The following ATG10 variants were observed in gnomAD, a reference collection of about 807,000 sequenced individuals.
The protein encoded by ATG10 is ubiquitin-like-conjugating enzyme ATG10.
Under a neutral mutation model 32.1 loss-of-function variants are expected in ATG10, and 30 were observed. The ratio of observed to expected loss-of-function variants is 0.94; its 90% CI spans 0.70 to 1.27. The LOEUF is 1.27. ATG10 is among the 50% of genes most tolerant of loss of function. The pLI is 0.00. For missense variants in ATG10, 233 were observed against 262.3 expected, an observed-to-expected ratio of 0.89 and a Z score of 0.77; for synonymous variants, 87 against 91.5, an observed-to-expected ratio of 0.95 and a Z score of 0.28.
At chr5:82,141,817 TACAC>T (rs962266873) in intron 3 of ATG10, among the ~76,000 whole-genome samples, 4 of 150,704 alleles carry the variant, frequency 2.7e-5, no homozygotes, top group African/African-American at 9.8e-5. Context: ...CATACACACA[TACAC>T]ACACACACCC....
chr5:82,141,056 A>T (rs1384139389), intron 3 of ATG10, among the ~76,000 whole-genome samples: 2 of 121,858 alleles, frequency 1.6e-5, no homozygotes, highest in African/African-American at 6.2e-5. Context: ...ACCAATCCCT[A>T]ATCTCAAGTA....
chr5:82,156,087 G>T (rs937303030), intron 3 of ATG10, among the ~76,000 whole-genome samples: 8 of 151,924 alleles, frequency 5.3e-5, no homozygotes, highest in Admixed American at 2.0e-4. Flanking sequence ...ACTGGGAGTG[G>T]GGGGTGATAA....
intron 3 of ATG10, among the ~76,000 whole-genome samples, chr5:82,142,346 G>A (rs1767185470): frequency 6.6e-6 from 1 of 152,186 alleles, no homozygotes; most frequent in African/African-American, 2.4e-5. Flanking sequence ...TATTTGAAAG[G>A]TTTTCTAGTG....
intron 5 of ATG10, among the ~76,000 whole-genome samples, chr5:82,200,815 CA>C (rs1417812921): frequency 1.3e-5 from 2 of 151,058 alleles, no homozygotes; most frequent in Non-Finnish European, 3.0e-5. Flanking sequence ...CAGTTTTTCA[CA>C]GAGTGAGAGT....
At chr5:82,106,241 A>G (rs1265416211) in intron 3 of ATG10, among the ~76,000 whole-genome samples, 1 of 152,194 alleles carries the variant, frequency 6.6e-6, no homozygotes, top group East Asian at 1.9e-4. Context: ...GAAATGGTGT[A>G]TAAGATCAAA....
chr5:82,106,045 G>T (rs1765436670), intron 3 of ATG10, among the ~76,000 whole-genome samples: 1 of 151,844 alleles, frequency 6.6e-6, no homozygotes, highest in African/African-American at 2.4e-5. Flanking sequence ...TTCCTATTTG[G>T]CTTCTTCTGA....
rs567918851 is a variant in ATG10 at position 81,988,536 on chromosome 5, C to T, written c.108+858C>T. On this transcript the variant is annotated intron_variant, in intron 2 of 7. Coordinates refer to ENST00000282185, the MANE Select transcript of ATG10 (RefSeq NM_031482.5). ...GCAATCTCCACCTCCTGGGTTCAAG[C>T]GATTCTTGTGCCTCAGCCTCCCGAG... is the stretch of plus-strand genomic sequence containing the variant. 6.4e-4 allele frequency among the ~76,000 whole-genome samples: 96 copies of T among 150,952 alleles called. 1 individual carries two copies. In the South Asian group the frequency reaches 0.019, roughly 30 times the overall value.
At chr5:82,042,194 G>A (rs528997845) in intron 2 of ATG10, among the ~76,000 whole-genome samples, 2 of 152,140 alleles carry the variant, frequency 1.3e-5, no homozygotes, top group Non-Finnish European at 2.9e-5. Context: ...GAAACTGACA[G>A]TCATGGCAGA....
At chr5:82,233,351 T>C (rs954407549) in intron 5 of ATG10, among the ~76,000 whole-genome samples, 1 of 152,216 alleles carries the variant, frequency 6.6e-6, no homozygotes, top group Admixed American at 6.5e-5. Flanking sequence ...TTTCTTCCTT[T>C]AATAACCCAG....
chr5:82,118,417 T>TATATATATATATATATTTATATA, intron 3 of ATG10, among the ~76,000 whole-genome samples: 1 of 141,200 alleles, frequency 7.1e-6, no homozygotes, highest in Non-Finnish European at 1.5e-5. Flanking sequence ...TATGTATATA[T>TATATATATATATATATTTATATA]TCCCTAGCAC....
intron 2 of ATG10, among the ~76,000 whole-genome samples, chr5:82,053,419 A>G (rs2149743133): frequency 6.6e-6 from 1 of 151,968 alleles, no homozygotes; most frequent in South Asian, 2.1e-4. Flanking sequence ...ATGAGCTACA[A>G]ATGCTTTTTC....
intron 3 of ATG10, among the ~76,000 whole-genome samples, chr5:82,110,268 A>C (rs1015907123): frequency 3.3e-5 from 5 of 152,278 alleles, no homozygotes; most frequent in Non-Finnish European, 5.9e-5. Flanking sequence ...ATAGGTGTGC[A>C]TGTGTCTTTA....
chr5:82,219,829 A>G (rs1021536241), intron 5 of ATG10, among the ~76,000 whole-genome samples: 1 of 152,166 alleles, frequency 6.6e-6, no homozygotes, highest in African/African-American at 2.4e-5. Context: ...GAAGTGATTT[A>G]TTTTTTCCTC....
intron 1 of ATG10, among the ~76,000 whole-genome samples, chr5:81,980,730 G>A (rs532284626): frequency 6.6e-6 from 1 of 151,634 alleles, no homozygotes; most frequent in Admixed American, 6.6e-5. Context: ...GCTACCTGTC[G>A]CTCGCTGCAC....
intron 5 of ATG10, among the ~76,000 whole-genome samples, chr5:82,236,710 T>G (rs1746568950): frequency 1.3e-5 from 2 of 152,182 alleles, no homozygotes; most frequent in African/African-American, 4.8e-5. Context: ...TTTTGTTTGT[T>G]TGTTGTTGTT....
At chr5:82,128,634 G>GT (rs1472428071) in intron 3 of ATG10, among the ~76,000 whole-genome samples, 2 of 148,956 alleles carry the variant, frequency 1.3e-5, no homozygotes, top group Non-Finnish European at 3.0e-5. Context: ...CTTCTGGCTT[G>GT]TAGGGTTTCT....
chr5:82,071,866 C>T (rs1764142919), intron 3 of ATG10, among the ~76,000 whole-genome samples: 1 of 152,124 alleles, frequency 6.6e-6, no homozygotes, highest in African/African-American at 2.4e-5. Flanking sequence ...ATCTGGGATT[C>T]CTGTTCAAGT....
At chr5:82,009,935 A>G in intron 2 of ATG10, 1 of 1,611,730 alleles carries the variant, frequency 6.2e-7, no homozygotes, top group Non-Finnish European at 8.5e-7. Context: ...TAATTCTGTG[A>G]AAGCAGGAAC....
In ATG10 at chr5:82,172,882, C is replaced by T. The variant is rs76231997; in HGVS notation, c.356-5608C>T. On this transcript the variant is annotated intron_variant, in intron 4 of 7. Coordinates refer to ENST00000282185, the MANE Select transcript of ATG10 (RefSeq NM_031482.5). Reference sequence around the variant, plus strand: ...CAGTATAGTAGCTGAAATGAATGTACGTGAACAATTGCACTCATTTCATAT... The same window carrying T: ...CAGTATAGTAGCTGAAATGAATGTATGTGAACAATTGCACTCATTTCATAT... Among the ~76,000 whole-genome samples, 395 of 152,224 alleles carry T rather than the reference C, an allele frequency of 2.6e-3. 5 individuals carry two copies. The highest frequency in any genetic ancestry group is 9.0e-3 in the African/African-American group (373 of 41,552).
Sources: gnomAD v4.1 joint callset for allele counts (sites outside exome capture counted in the v4.1 genomes callset) on GRCh38, gnomAD v4.1.1 for gene constraint, MANE v1.5 for transcripts, NCBI Gene and HGNC (gene_info 2026-07-23, HGNC 2026-07-21) for gene names.